DOCK3: variants seen among roughly 807,000 people sequenced by gnomAD.
DOCK3 encodes dedicator of cytokinesis protein 3.
Under a neutral mutation model 265.6 loss-of-function variants are expected in DOCK3, and 60 were observed. The observed-to-expected ratio is 0.23, with a 90% CI of 0.18 to 0.28. The LOEUF is 0.28. Among genes scored for constraint, DOCK3 ranks in the 10% least tolerant of loss-of-function variants. DOCK3 has a pLI of 1.00. For synonymous variants in DOCK3, 881 were observed against 938.0 expected (o/e 0.94, Z 1.11); for missense variants, 1,981 against 2,594.3 (o/e 0.76, Z 5.14).
At chr3:50,953,873 A>AG (rs1333069473) in intron 5 of DOCK3, among the ~76,000 whole-genome samples, 1 of 152,170 alleles carries the variant, frequency 6.6e-6, no homozygotes, top group Non-Finnish European at 1.5e-5. Flanking sequence ...TTCTCACACA[A>AG]CAAAACAACT....
chr3:51,379,309 C>T (rs990205333), intron 51 of DOCK3: 7 of 872,970 alleles, frequency 8.0e-6, no homozygotes, highest in African/African-American at 1.8e-5. Flanking sequence ...GCTTGGCCAG[C>T]GTTTTTAGTT....
At chr3:50,865,798 A>G (rs1278921139) in intron 3 of DOCK3, among the ~76,000 whole-genome samples, 1 of 152,172 alleles carries the variant, frequency 6.6e-6, no homozygotes, top group Non-Finnish European at 1.5e-5. Flanking sequence ...TTTTCTCCAC[A>G]TCCTCATCAG....
chr3:51,246,960 T>G (rs1487818828), intron 22 of DOCK3, among the ~76,000 whole-genome samples, 153 bp downstream of exon 22: 1 of 152,208 alleles, frequency 6.6e-6, no homozygotes, highest in African/African-American at 2.4e-5. Flanking sequence ...TTCTCTTTCC[T>G]TACCTTGATT....
intron 4 of DOCK3, among the ~76,000 whole-genome samples, chr3:50,893,087 G>C (rs2048718438): frequency 6.6e-6 from 1 of 152,112 alleles, no homozygotes. Context: ...CAGGTTCCCA[G>C]AATCTGAGTT....
intron 12 of DOCK3, among the ~76,000 whole-genome samples, chr3:51,205,886 G>A (rs2089178009): frequency 6.6e-6 from 1 of 152,188 alleles, no homozygotes; most frequent in African/African-American, 2.4e-5. Context: ...TGAGTAGACT[G>A]CAAAATTTCG....
intron 5 of DOCK3, among the ~76,000 whole-genome samples, chr3:51,019,808 G>T (rs1261486965): frequency 6.6e-6 from 1 of 151,776 alleles, no homozygotes; most frequent in African/African-American, 2.4e-5. Context: ...ACATGATCTC[G>T]TTTCTTTTGT....
rs369368345 is a variant in DOCK3 at position 50,809,542 on chromosome 3, A to G, written c.121+30784A>G. Among the ~76,000 whole-genome samples, 293 of 152,360 alleles carry G rather than the reference A, an allele frequency of 1.9e-3. 5 individuals are homozygous for G. The South Asian group carries it at 0.058, about 30-fold the overall frequency. On this transcript the variant is annotated intron_variant, in intron 2 of 52. Coordinates refer to ENST00000266037, the MANE Select transcript of DOCK3 (RefSeq NM_004947.5). ...CTATAGCTGAATATACACATACCTT[A>G]TAATTTAACAATTCTACTCATAAAT...
At chr3:51,368,513 A>C (rs1056017259) in intron 49 of DOCK3, among the ~76,000 whole-genome samples, 15 of 152,180 alleles carry the variant, frequency 9.9e-5, no homozygotes, top group East Asian at 3.9e-4. Flanking sequence ...TGGGAGGGGC[A>C]TCCGCCATTG....
chr3:50,929,755 G>T (rs2050957837), intron 4 of DOCK3, among the ~76,000 whole-genome samples: 1 of 152,098 alleles, frequency 6.6e-6, no homozygotes, highest in African/African-American at 2.4e-5. Flanking sequence ...GTCAAAATAA[G>T]AACTTACTGA....
intron 12 of DOCK3, among the ~76,000 whole-genome samples, chr3:51,174,171 T>C (rs955509400): frequency 2.2e-4 from 34 of 152,170 alleles, no homozygotes; most frequent in African/African-American, 8.2e-4. Context: ...GTTAAACTTC[T>C]TGGCTGGGCA....
chr3:51,297,417 A>G (rs1200981908), intron 27 of DOCK3, among the ~76,000 whole-genome samples: 2 of 152,206 alleles, frequency 1.3e-5, no homozygotes, highest in African/African-American at 2.4e-5. Flanking sequence ...GGGAGAGAAT[A>G]TTTGCAAATC....
At chr3:50,880,416 T>C (rs1204214439) in intron 3 of DOCK3, among the ~76,000 whole-genome samples, 1 of 151,978 alleles carries the variant, frequency 6.6e-6, no homozygotes, top group African/African-American at 2.4e-5. Flanking sequence ...AAGAATCAAA[T>C]AGATGCAATA....
intron 22 of DOCK3, among the ~76,000 whole-genome samples, chr3:51,249,633 C>A (rs1460640006): frequency 1.7e-5 from 1 of 58,304 alleles, no homozygotes; most frequent in Admixed American, 1.5e-4. Flanking sequence ...CCAGCCGTCC[C>A]GTCCGGGAGG....
chr3:51,108,297 A>G (rs191309708), intron 9 of DOCK3, among the ~76,000 whole-genome samples: 1 of 152,342 alleles, frequency 6.6e-6, no homozygotes, highest in East Asian at 1.9e-4. Context: ...ACTAAGCTTC[A>G]TAAGCAAAGG....
intron 22 of DOCK3, among the ~76,000 whole-genome samples, chr3:51,249,662 C>T (rs1314268364): frequency 8.1e-6 from 1 of 123,948 alleles, no homozygotes; most frequent in African/African-American, 3.1e-5. Flanking sequence ...GGGGGGTCAG[C>T]CCCCCACCCG....
At chr3:51,248,984 C>G (rs1246252769) in intron 22 of DOCK3, among the ~76,000 whole-genome samples, 1 of 146,178 alleles carries the variant, frequency 6.8e-6, no homozygotes, top group Non-Finnish European at 1.5e-5. Context: ...AGTGAGGAGC[C>G]TCTCCGCCCG....
chr3:51,035,520 T>C (rs774004870), intron 5 of DOCK3, among the ~76,000 whole-genome samples: 1 of 152,214 alleles, frequency 6.6e-6, no homozygotes, highest in African/African-American at 2.4e-5. Flanking sequence ...GTTAACTCTT[T>C]TAAAGTATTT....
In DOCK3 at chr3:51,016,247, T is replaced by TC. The variant is rs2079219607; in HGVS notation, c.316-48201_316-48200insC. Among the ~76,000 whole-genome samples the TC allele has an allele frequency of 1.7e-3, 4 of 2,416 alleles. 2 individuals carry two copies. Among genetic ancestry groups the TC allele is most frequent in the African/African-American group, 0.013 (2 of 154 alleles). The allele number at this position is 2,416 out of a possible 152,430, so 1.6% of individuals were successfully genotyped here. On this transcript the variant is annotated intron_variant, in intron 5 of 52. Coordinates refer to ENST00000266037, the MANE Select transcript of DOCK3 (RefSeq NM_004947.5). ...TATATCATATATTTCTACATATATATATCAATCATATATTTCTACATATAT... is the reference window on the plus strand; with the variant it reads ...TATATCATATATTTCTACATATATATCATCAATCATATATTTCTACATATAT...
chr3:51,134,008 C>A (rs1274795557), intron 9 of DOCK3, among the ~76,000 whole-genome samples: 1 of 152,180 alleles, frequency 6.6e-6, no homozygotes, highest in Non-Finnish European at 1.5e-5. Context: ...TTAGTTCCCA[C>A]TTACAAGTGA....
Sources: gnomAD v4.1 joint callset for allele counts (sites outside exome capture counted in the v4.1 genomes callset) on GRCh38, gnomAD v4.1.1 for gene constraint, MANE v1.5 for transcripts, NCBI Gene and HGNC (gene_info 2026-07-23, HGNC 2026-07-21) for gene names.